The following NAALADL2 variants were observed in gnomAD, a reference collection of about 807,000 sequenced individuals.
NAALADL2 encodes inactive N-acetylated-alpha-linked acidic dipeptidase-like protein 2.
In NAALADL2, 76 loss-of-function variants were observed where a neutral mutation model predicts 87.2. The observed-to-expected ratio is 0.87, with a 90% CI of 0.72 to 1.05. The LOEUF is 1.05. Ranked by LOEUF, NAALADL2 falls within the 50% of genes least tolerant of loss-of-function variation. NAALADL2 has a pLI of 0.00. For missense variants in NAALADL2, 1,089 were observed against 945.8 expected, an observed-to-expected ratio of 1.15 and a Z score of -1.99; for synonymous variants, 354 against 331.0, an observed-to-expected ratio of 1.07 and a Z score of -0.75.
chr3:175,133,915 A>G (rs1728671994), intron 2 of NAALADL2, among the ~76,000 whole-genome samples: 1 of 152,222 alleles, frequency 6.6e-6, no homozygotes, highest in South Asian at 2.1e-4. Context: ...AACATAAGAA[A>G]GATTAAAACA....
intron 1 of NAALADL2, among the ~76,000 whole-genome samples, chr3:175,084,334 G>A (rs1433390974): frequency 6.6e-6 from 1 of 152,116 alleles, no homozygotes. Flanking sequence ...GTAGCGATCA[G>A]CTGCCGGCAA....
At chr3:175,246,866 T>C (rs539016390) in intron 3 of NAALADL2, among the ~76,000 whole-genome samples, 2 of 152,286 alleles carry the variant, frequency 1.3e-5, no homozygotes, top group South Asian at 4.1e-4. Flanking sequence ...AGAAAAGATA[T>C]GACTATCCTA....
At chr3:175,420,418 G>A (rs1295925904) in intron 5 of NAALADL2, among the ~76,000 whole-genome samples, 1 of 151,888 alleles carries the variant, frequency 6.6e-6, no homozygotes, top group African/African-American at 2.4e-5. Context: ...CTATAAAATG[G>A]TTCAGTATTT....
intron 11 of NAALADL2, chr3:175,676,500 C>T (rs1044410193): frequency 2.0e-5 from 3 of 152,168 alleles, no homozygotes; most frequent in African/African-American, 7.2e-5. Context: ...AAATTACATC[C>T]ATGATACGTA....
chr3:174,592,482 G>C (rs56057104), intron 2 of NAALADL2, among the ~76,000 whole-genome samples: 3,952 of 152,156 alleles, frequency 0.026, 204 homozygotes, highest in African/African-American at 0.09. Flanking sequence ...AGTTAGGTAA[G>C]GATTGGGACC....
intron 1 of NAALADL2, among the ~76,000 whole-genome samples, chr3:174,956,150 C>A (rs546035126): frequency 1.4e-4 from 22 of 152,118 alleles, no homozygotes; most frequent in Non-Finnish European, 2.9e-4. Context: ...CACATGAAGT[C>A]AGTTGCAGAA....
intron 4 of NAALADL2, among the ~76,000 whole-genome samples, chr3:175,292,405 A>G (rs1560301900): frequency 6.6e-6 from 1 of 152,196 alleles, no homozygotes; most frequent in Non-Finnish European, 1.5e-5. Context: ...TTTGAATGAT[A>G]GAAACTTGGT....
chr3:174,649,817 A>T (rs763236193), intron 2 of NAALADL2, among the ~76,000 whole-genome samples: 2 of 152,108 alleles, frequency 1.3e-5, no homozygotes, highest in Admixed American at 6.6e-5. Context: ...TAGGGTTCCT[A>T]TTTCTTATAT....
chr3:175,366,824 T>A (rs550872020), intron 5 of NAALADL2, among the ~76,000 whole-genome samples: 100 of 151,546 alleles, frequency 6.6e-4, no homozygotes, highest in East Asian at 1.9e-3. Context: ...GTTCACTCTG[T>A]TGGTAGTTTC....
At chr3:175,519,265 C>T (rs1228682902) in intron 9 of NAALADL2, among the ~76,000 whole-genome samples, 3 of 152,174 alleles carry the variant, frequency 2.0e-5, no homozygotes, top group Non-Finnish European at 4.4e-5. Flanking sequence ...TTTAGAAAAG[C>T]GGTTCTAGTT....
chr3:174,985,227 C>A (rs1745693362), intron 1 of NAALADL2, among the ~76,000 whole-genome samples: 1 of 152,106 alleles, frequency 6.6e-6, no homozygotes, highest in African/African-American at 2.4e-5. Flanking sequence ...CACTGTTGAT[C>A]AGATCTGAGT....
intron 2 of NAALADL2, among the ~76,000 whole-genome samples, chr3:175,100,709 GCAC>G (rs1721993013): frequency 6.6e-6 from 1 of 151,824 alleles, no homozygotes; most frequent in Non-Finnish European, 1.5e-5. Context: ...ATGGTGTTGG[GCAC>G]CTATAATCCC....
intron 2 of NAALADL2, among the ~76,000 whole-genome samples, chr3:174,593,585 A>G (rs1387280376): frequency 6.6e-6 from 1 of 152,100 alleles, no homozygotes; most frequent in Admixed American, 6.5e-5. Flanking sequence ...TGATTTTTAT[A>G]TAGTAAGTAA....
intron 5 of NAALADL2, among the ~76,000 whole-genome samples, chr3:175,388,700 T>C (rs1018778871): frequency 4.6e-5 from 7 of 152,078 alleles, no homozygotes; most frequent in African/African-American, 1.7e-4. Context: ...ACCTTTTCTA[T>C]ATTACTCATA....
intron 5 of NAALADL2, among the ~76,000 whole-genome samples, chr3:175,397,559 A>G (rs1769968959): frequency 6.6e-6 from 1 of 152,156 alleles, no homozygotes; most frequent in Non-Finnish European, 1.5e-5. Context: ...ACATCCAGTT[A>G]TAATTCTGTT....
At position 175,256,444 on chromosome 3, in the gene NAALADL2, G is replaced by C. The variant is rs781686034; in HGVS notation, c.853G>C (p.Asp285His). ...CATCGATGTGAGTTATGGAATGGCA[G>C]ATGATTTAAAAAGGATTAGGAAAAT... Reference protein sequence around the residue: ...EVIDVSYGMADDLKRIRKIKN... With the variant: ...EVIDVSYGMAHDLKRIRKIKN... Residue 285 changes from aspartate to histidine, a missense_variant, in exon 4 of 14, where the codon GAT becomes CAT. Asp to His is a moderately conservative substitution (Grantham distance 81). Transcript: ENST00000454872. 1 of 1,610,806 alleles carries C rather than the reference G, an allele frequency of 6.2e-7. No individual in the cohort carries two copies. The highest frequency in any genetic ancestry group is 1.3e-5 in the African/African-American group (1 of 74,770).
chr3:174,997,058 A>G (rs202151569), intron 1 of NAALADL2, among the ~76,000 whole-genome samples: 1 of 125,972 alleles, frequency 7.9e-6, no homozygotes. Flanking sequence ...ATATATATAT[A>G]TTTTTTTTTT....
chr3:174,453,936 A>G (rs1715651001), intron 1 of NAALADL2, among the ~76,000 whole-genome samples: 1 of 152,184 alleles, frequency 6.6e-6, no homozygotes, highest in South Asian at 2.1e-4. Flanking sequence ...TAAGTGAACT[A>G]AATGCCTCAA....
chr3:175,202,663 G>A, intron 2 of NAALADL2, among the ~76,000 whole-genome samples: 2 of 152,086 alleles, frequency 1.3e-5, no homozygotes. Context: ...ACTGGCAGTA[G>A]GCAGGTCCCT....
Sources: gnomAD v4.1 joint callset for allele counts (sites outside exome capture counted in the v4.1 genomes callset) on GRCh38, gnomAD v4.1.1 for gene constraint, MANE v1.5 for transcripts, NCBI Gene and HGNC (gene_info 2026-07-23, HGNC 2026-07-21) for gene names.